EIF4G3: variants seen among roughly 807,000 people sequenced by gnomAD.
EIF4G3 encodes eIF-4-gamma 3.
EIF4G3 carries 34 observed loss-of-function variants against 186.4 expected under a neutral mutation model. The ratio of observed to expected loss-of-function variants is 0.18; its 90% CI spans 0.14 to 0.24. The LOEUF (loss-of-function observed/expected upper bound fraction) is 0.24. EIF4G3 is among the 10% of genes least tolerant of loss of function. The pLI, the probability that EIF4G3 is intolerant of heterozygous loss-of-function variation, is 1.00. For synonymous variants in EIF4G3, 673 were observed against 679.5 expected (o/e 0.99, Z 0.15); for missense variants, 1,536 against 1,948.5 (o/e 0.79, Z 3.99).
At chr1:21,067,118 AT>A (rs1250014397) in intron 3 of EIF4G3, among the ~76,000 whole-genome samples, 1 of 145,354 alleles carries the variant, frequency 6.9e-6, no homozygotes, top group Non-Finnish European at 1.5e-5. Flanking sequence ...ATATTAAGTA[AT>A]TTTTTTCTTT....
chr1:21,153,832 T>A (rs1250694459), intron 2 of EIF4G3, among the ~76,000 whole-genome samples: 4 of 151,560 alleles, frequency 2.6e-5, no homozygotes, highest in Non-Finnish European at 5.9e-5. Context: ...CCCAAAGTGC[T>A]GGGATTATAG....
intron 18 of EIF4G3, among the ~76,000 whole-genome samples, chr1:20,887,744 C>T (rs2084696303): frequency 6.6e-6 from 1 of 151,004 alleles, no homozygotes; most frequent in African/African-American, 2.4e-5. Context: ...TGGAAAAATA[C>T]CAACAGGGAA....
chr1:20,873,553 A>G (rs2079836627), intron 20 of EIF4G3, among the ~76,000 whole-genome samples: 1 of 152,082 alleles, frequency 6.6e-6, no homozygotes, highest in Non-Finnish European at 1.5e-5. Flanking sequence ...CATCTTCAAC[A>G]TTATTGCCCA....
chr1:20,868,063 C>CT (rs2078019058), intron 20 of EIF4G3, among the ~76,000 whole-genome samples: 1 of 135,032 alleles, frequency 7.4e-6, no homozygotes, highest in East Asian at 2.3e-4. Flanking sequence ...AACATATCCT[C>CT]TGAGAATAGT....
intron 36 of EIF4G3, among the ~76,000 whole-genome samples, chr1:20,808,447 C>T (rs948411755): frequency 2.6e-5 from 4 of 151,556 alleles, no homozygotes; most frequent in Non-Finnish European, 2.9e-5. Context: ...TTTGGGAGGC[C>T]GAGACAGGCG....
intron 4 of EIF4G3, among the ~76,000 whole-genome samples, chr1:21,011,357 T>C (rs2087018417): frequency 6.6e-6 from 1 of 152,142 alleles, no homozygotes; most frequent in African/African-American, 2.4e-5. Flanking sequence ...GTTGAAATAA[T>C]TATAGATTTA....
chr1:21,039,305 C>G (rs2093423640), intron 4 of EIF4G3, among the ~76,000 whole-genome samples: 1 of 152,160 alleles, frequency 6.6e-6, no homozygotes, highest in African/African-American at 2.4e-5. Context: ...TCAAATGAAT[C>G]ATAGTTCCAT....
intron 7 of EIF4G3, among the ~76,000 whole-genome samples, chr1:20,993,806 C>T (rs541011824): frequency 6.6e-6 from 1 of 152,150 alleles, no homozygotes; most frequent in Non-Finnish European, 1.5e-5. Flanking sequence ...CCCAAAATAT[C>T]CCAGGACATG....
chr1:21,068,375 TAAAAAAAAA>T (rs869306512), intron 3 of EIF4G3, among the ~76,000 whole-genome samples: 7 of 67,834 alleles, frequency 1.0e-4, no homozygotes, highest in Middle Eastern at 0.013. Flanking sequence ...ACTCTGTCTT[TAAAAAAAAA>T]AAAAAAAAAA....
chr1:20,857,536 A>AAGTC (rs776736131), intron 24 of EIF4G3, 39 bp from the exon 25 acceptor site: 1 of 1,536,140 alleles, frequency 6.5e-7, no homozygotes, highest in East Asian at 2.2e-5. Context: ...CATCTGTCTC[A>AAGTC]AGTCAGTTTT....
chr1:21,122,147 A>T (rs963845630), intron 2 of EIF4G3, among the ~76,000 whole-genome samples: 1 of 152,204 alleles, frequency 6.6e-6, no homozygotes, highest in Non-Finnish European at 1.5e-5. Flanking sequence ...GCATATGTAA[A>T]CAATAAACAT....
At chr1:20,883,680 A>C (rs2083158339) in intron 19 of EIF4G3, among the ~76,000 whole-genome samples, 1 of 152,050 alleles carries the variant, frequency 6.6e-6, no homozygotes, top group Admixed American at 6.6e-5. Context: ...GGACAGAAAG[A>C]GCTAGGTAAA....
Position 20,886,201 on chromosome 1 carries a change from C to T in EIF4G3, c.2424G>A (p.Gln808=), listed in dbSNP as rs2084084512. 1.2e-6 allele frequency: 2 copies of T among 1,610,476 alleles called. No homozygotes were observed. The highest frequency in any genetic ancestry group is 1.3e-5 in the African/African-American group (1 of 74,560). ...TGTTAGGATATGCTTTTGTTCTCAC[C>T]TGGGTTTTAATGTTTTCGGGATCAT... ...QADDPENIKT[Q]ELFRKVRSIL... The change falls in exon 19 of 37, where the codon CAG becomes CAA. Residue 808 remains glutamine, a splice_region_variant and synonymous_variant. Transcript: ENST00000602326.
chr1:20,872,361 A>G (rs1250999062), intron 20 of EIF4G3, among the ~76,000 whole-genome samples: 1 of 151,996 alleles, frequency 6.6e-6, no homozygotes, highest in Non-Finnish European at 1.5e-5. Context: ...CCTAGGCTCA[A>G]GTGATCCTTC....
intron 20 of EIF4G3, among the ~76,000 whole-genome samples, chr1:20,871,825 CTCTGTCTTTTT>C (rs1162773095): frequency 1.3e-5 from 2 of 151,958 alleles, no homozygotes; most frequent in Non-Finnish European, 2.9e-5. Flanking sequence ...CTTTTCTTTT[CTCTGTCTTTTT>C]TTTTTGAGAC....
chr1:20,848,559 A>G (rs776875091), intron 29 of EIF4G3, among the ~76,000 whole-genome samples: 10 of 152,186 alleles, frequency 6.6e-5, no homozygotes, highest in Non-Finnish European at 1.5e-4. Flanking sequence ...CTTATTCACT[A>G]CTATCTCAAA....
At chr1:20,896,417 CAG>C (rs2088072330) in intron 16 of EIF4G3, among the ~76,000 whole-genome samples, 1 of 112,970 alleles carries the variant, frequency 8.9e-6, no homozygotes. Context: ...GCCTGGGTAA[CAG>C]AGTGAGATTC....
chr1:21,149,290 G>C (rs767997178), intron 2 of EIF4G3, among the ~76,000 whole-genome samples: 2 of 151,830 alleles, frequency 1.3e-5, no homozygotes, highest in Non-Finnish European at 2.9e-5. Flanking sequence ...TTCCTTCAAG[G>C]AAATTTATCG....
In EIF4G3 at chr1:20,879,183, A is replaced by G. The variant is rs2081642755; in HGVS notation, c.2622+140T>C. On this transcript the variant is annotated intron_variant, in intron 20 of 36. Coordinates refer to ENST00000602326, the MANE Select transcript of EIF4G3 (RefSeq NM_001391906.1). ...TAATAAAGCAAGATTGTCTTTAATAATGAGAATATTATATCAATAAATACT... is the reference window on the plus strand; with the variant it reads ...TAATAAAGCAAGATTGTCTTTAATAGTGAGAATATTATATCAATAAATACT... The G allele has an allele frequency of 5.1e-6, 3 of 594,034 alleles. No homozygotes were observed. The East Asian group carries it at 1.0e-4, about 20-fold the overall frequency. 36.8% of individuals were successfully genotyped at this position (594,034 alleles called of 1,614,324 possible). A position where few individuals can be genotyped will look rare whatever the true frequency, so the allele number is the denominator to read the frequency against.
Sources: allele counts gnomAD v4.1 joint callset (sites outside exome capture counted in the v4.1 genomes callset), GRCh38; gene constraint gnomAD v4.1.1; transcripts MANE v1.5; gene names NCBI Gene and HGNC (gene_info 2026-07-23, HGNC 2026-07-21).